Variants in ACVR1 observed in about 807,000 individuals in gnomAD.
The protein encoded by ACVR1 is activin A receptor type 1.
In ACVR1, 38 loss-of-function variants were observed where a neutral mutation model predicts 57.1. That is an observed-to-expected ratio of 0.67 (90% CI 0.51 to 0.87). The LOEUF is 0.87. ACVR1 is among the 40% of genes least tolerant of loss of function. The pLI, the probability that ACVR1 is intolerant of heterozygous loss-of-function variation, is 0.00. For missense variants in ACVR1, 463 were observed against 638.2 expected (o/e 0.73, Z 2.96); for synonymous variants, 212 against 228.1 (o/e 0.93, Z 0.63).
intron 1 of ACVR1, among the ~76,000 whole-genome samples, chr2:157,836,910 A>G (rs1317564090): frequency 6.6e-6 from 1 of 152,198 alleles, no homozygotes; most frequent in Admixed American, 6.5e-5. Flanking sequence ...ATCTACTGTA[A>G]TTAGGTGGAA....
chr2:157,779,180 T>C (rs55825067), intron 4 of ACVR1, among the ~76,000 whole-genome samples: 3 of 152,336 alleles, frequency 2.0e-5, no homozygotes, highest in Non-Finnish European at 4.4e-5. Context: ...AAATCTTCTA[T>C]TAAAACTCAA....
chr2:157,825,885 C>G (rs940798698), intron 1 of ACVR1, among the ~76,000 whole-genome samples: 1 of 152,192 alleles, frequency 6.6e-6, no homozygotes, highest in Admixed American at 6.5e-5. Flanking sequence ...TCCCCCAACA[C>G]ACGACTCCCT....
At chr2:157,835,113 T>C (rs1444301675) in intron 1 of ACVR1, among the ~76,000 whole-genome samples, 2 of 152,094 alleles carry the variant, frequency 1.3e-5, no homozygotes, top group East Asian at 1.9e-4. Flanking sequence ...ACTAAAACCT[T>C]TAGTAAGGGT....
intron 5 of ACVR1, among the ~76,000 whole-genome samples, chr2:157,774,481 C>T (rs1201889772): frequency 6.6e-6 from 1 of 152,196 alleles, no homozygotes; most frequent in Non-Finnish European, 1.5e-5. Context: ...TCTCCTGCCT[C>T]AGCCTCCCAA....
At chr2:157,832,450 C>T (rs928549653) in intron 1 of ACVR1, among the ~76,000 whole-genome samples, 3 of 152,082 alleles carry the variant, frequency 2.0e-5, no homozygotes, top group South Asian at 4.1e-4. Context: ...TTTGGGATTC[C>T]AGTGATGCTT....
chr2:157,825,146 T>C (rs1688299348), intron 1 of ACVR1, among the ~76,000 whole-genome samples: 1 of 152,176 alleles, frequency 6.6e-6, no homozygotes, highest in South Asian at 2.1e-4. Flanking sequence ...ATTAACTAGT[T>C]TAGGAAGGAA....
intron 1 of ACVR1, among the ~76,000 whole-genome samples, chr2:157,859,099 A>G (rs1367471559): frequency 6.6e-6 from 1 of 152,226 alleles, no homozygotes; most frequent in Non-Finnish European, 1.5e-5. Flanking sequence ...GCTGAGACCT[A>G]CTGGGCTGCA....
intron 3 of ACVR1, among the ~76,000 whole-genome samples, chr2:157,789,324 A>G (rs1039611114): frequency 6.6e-6 from 1 of 152,184 alleles, no homozygotes; most frequent in African/African-American, 2.4e-5. Flanking sequence ...AGTTTCCACA[A>G]TAATCTTGGA....
intron 1 of ACVR1, among the ~76,000 whole-genome samples, chr2:157,863,203 A>G (rs1689786247): frequency 6.7e-6 from 1 of 150,190 alleles, no homozygotes; most frequent in Non-Finnish European, 1.5e-5. Context: ...AGTAGTGATG[A>G]GGTTTCACCA....
At chr2:157,830,344 A>G (rs1688538869) in intron 1 of ACVR1, among the ~76,000 whole-genome samples, 1 of 152,220 alleles carries the variant, frequency 6.6e-6, no homozygotes, top group Non-Finnish European at 1.5e-5. Context: ...TGAAAAAGAA[A>G]TAATAATGCT....
At chr2:157,862,422 T>TACACACACAC (rs68077740) in intron 1 of ACVR1, among the ~76,000 whole-genome samples, 1,493 of 143,718 alleles carry the variant, frequency 0.01, 11 homozygotes, top group Middle Eastern at 0.029. Flanking sequence ...CATATACACA[T>TACACACACAC]ACACACACAC....
chr2:157,775,032 A>C (rs1686227161), intron 5 of ACVR1, among the ~76,000 whole-genome samples: 1 of 152,232 alleles, frequency 6.6e-6, no homozygotes, highest in African/African-American at 2.4e-5. Context: ...AGGAATAAGG[A>C]ACAAACAACT....
intron 9 of ACVR1, among the ~76,000 whole-genome samples, chr2:157,755,935 CA>C (rs1203280769): frequency 9.9e-5 from 15 of 152,066 alleles, no homozygotes; most frequent in Non-Finnish European, 1.8e-4. Context: ...CCACAGTCAC[CA>C]AAACAGCATG....
At chr2:157,766,732 A>C (rs1685876132) in intron 7 of ACVR1, among the ~76,000 whole-genome samples, 1 of 152,256 alleles carries the variant, frequency 6.6e-6, no homozygotes, top group African/African-American at 2.4e-5. Context: ...ATAAAAAAAG[A>C]AACCAACCAA....
chr2:157,780,679 A>G, intron 3 of ACVR1, 79 bp from the exon 4 acceptor site: 2 of 1,512,208 alleles, frequency 1.3e-6, no homozygotes, highest in Non-Finnish European at 1.8e-6. Context: ...TGAGGGAATG[A>G]CCATTCCAAA....
chr2:157,855,653 C>T (rs1296624119), intron 1 of ACVR1, among the ~76,000 whole-genome samples: 1 of 151,986 alleles, frequency 6.6e-6, no homozygotes, highest in Non-Finnish European at 1.5e-5. Context: ...TCAGCAACAC[C>T]GTGAGTGGTC....
At chr2:157,852,887 C>T (rs1275773320) in intron 1 of ACVR1, among the ~76,000 whole-genome samples, 5 of 152,008 alleles carry the variant, frequency 3.3e-5, no homozygotes, top group African/African-American at 1.2e-4. Context: ...ACCTGCTGAC[C>T]GGAAAACAAT....
At chr2:157,740,610 A>T (rs1017013595) in intron 9 of ACVR1, among the ~76,000 whole-genome samples, 1 of 152,240 alleles carries the variant, frequency 6.6e-6, no homozygotes, top group Non-Finnish European at 1.5e-5. Flanking sequence ...TTTTTGGAGT[A>T]ATTTACCTGT....
chr2:157,768,651 G>A lies in ACVR1; in HGVS notation c.790+1717C>T, dbSNP rs182587181. Among the ~76,000 whole-genome samples the A allele has an allele frequency of 1.7e-3, 252 of 152,200 alleles. 1 individual carries two copies. Among genetic ancestry groups the A allele is most frequent in the South Asian group, 0.015 (72 of 4,818 alleles). ...CTTTTTAACTGTTTATCTCTTAAGC[G>A]TGAATTATATAACTACCTTTGCTTC... On this transcript the variant is annotated intron_variant, in intron 7 of 10. Transcript: ENST00000434821.
Sources: gnomAD v4.1 joint callset for allele counts (sites outside exome capture counted in the v4.1 genomes callset) on GRCh38, gnomAD v4.1.1 for gene constraint, MANE v1.5 for transcripts, NCBI Gene and HGNC (gene_info 2026-07-23, HGNC 2026-07-21) for gene names.